Variants in DLG2 observed in about 807,000 individuals in gnomAD.
The protein encoded by DLG2 is disks large homolog 2.
Under a neutral mutation model 132.5 loss-of-function variants are expected in DLG2, and 45 were observed. That is an observed-to-expected ratio of 0.34 (90% CI 0.27 to 0.44). DLG2 has a LOEUF of 0.44. DLG2 is among the 20% of genes least tolerant of loss of function. The probability of loss-of-function intolerance (pLI) is 1.00; values close to 1 mark genes in which losing one functional copy is unlikely to be tolerated. For missense variants in DLG2, 1,045 were observed against 1,196.9 expected (o/e 0.87, Z 1.87); for synonymous variants, 424 against 419.6 (o/e 1.01, Z -0.13).
At chr11:84,888,416 G>T (rs1192628722) in intron 6 of DLG2, among the ~76,000 whole-genome samples, 1 of 151,938 alleles carries the variant, frequency 6.6e-6, no homozygotes, top group Admixed American at 6.6e-5. Context: ...TTGGTCCTTT[G>T]GACTCTAGGA....
chr11:84,232,805 C>A (rs2097110473), intron 8 of DLG2, among the ~76,000 whole-genome samples: 1 of 152,130 alleles, frequency 6.6e-6, no homozygotes, highest in Non-Finnish European at 1.5e-5. Flanking sequence ...CTATACTAGT[C>A]TGAACTAAAA....
At chr11:84,123,540 G>T (rs931145966) in intron 9 of DLG2, among the ~76,000 whole-genome samples, 1 of 152,140 alleles carries the variant, frequency 6.6e-6, no homozygotes, top group Non-Finnish European at 1.5e-5. Context: ...ACTGAGTTTT[G>T]TATCTAAGCT....
At chr11:85,306,581 T>A (rs971969852) in intron 3 of DLG2, among the ~76,000 whole-genome samples, 4 of 151,964 alleles carry the variant, frequency 2.6e-5, no homozygotes, top group Non-Finnish European at 5.9e-5. Context: ...TAGTTGAACC[T>A]TTTTTTTGAG....
chr11:83,767,967 T>G (rs1254681332), intron 18 of DLG2, among the ~76,000 whole-genome samples: 1 of 152,204 alleles, frequency 6.6e-6, no homozygotes, highest in Non-Finnish European at 1.5e-5. Context: ...TTCTGCTCTG[T>G]CCTCAAACAT....
intron 6 of DLG2, among the ~76,000 whole-genome samples, chr11:85,066,773 G>GA (rs1219941591): frequency 6.6e-6 from 1 of 151,456 alleles, no homozygotes; most frequent in Non-Finnish European, 1.5e-5. Flanking sequence ...AACAAACTTA[G>GA]CATCAAAAAA....
intron 6 of DLG2, among the ~76,000 whole-genome samples, chr11:84,983,953 A>G (rs1385176465): frequency 1.3e-5 from 2 of 152,174 alleles, no homozygotes; most frequent in Non-Finnish European, 2.9e-5. Flanking sequence ...AGACAAAGAA[A>G]AAAGAAAATT....
intron 6 of DLG2, among the ~76,000 whole-genome samples, chr11:84,832,312 G>A (rs1220245344): frequency 9.2e-5 from 14 of 151,602 alleles, no homozygotes. Context: ...ACTGATTTAG[G>A]TTCAGAAGCA....
At chr11:84,550,269 C>A (rs1038927362) in intron 6 of DLG2, among the ~76,000 whole-genome samples, 2 of 152,096 alleles carry the variant, frequency 1.3e-5, no homozygotes, top group Non-Finnish European at 2.9e-5. Flanking sequence ...ACAGCACAAA[C>A]TTTCTGAAGG....
intron 6 of DLG2, among the ~76,000 whole-genome samples, chr11:84,728,905 T>G (rs1369541799): frequency 6.6e-6 from 1 of 152,184 alleles, no homozygotes; most frequent in Non-Finnish European, 1.5e-5. Context: ...TCTCTGATGG[T>G]AGTTTGTATT....
intron 6 of DLG2, among the ~76,000 whole-genome samples, chr11:84,805,104 A>AG (rs1416693524): frequency 6.6e-6 from 1 of 152,144 alleles, no homozygotes; most frequent in Non-Finnish European, 1.5e-5. Context: ...GTGTCAGTAG[A>AG]GGCCACATGC....
chr11:83,876,420 A>T lies in DLG2; in HGVS notation c.1497-1932T>A, dbSNP rs2064800309. Among the ~76,000 whole-genome samples the T allele has an allele frequency of 2.6e-5, 4 of 152,148 alleles. No homozygotes were observed. In the South Asian group the frequency reaches 8.3e-4, roughly 31 times the overall value. ...GTATAACTTTAGTGATAAATATCAA[A>T]TTAAAATATATTTTCTATTACAAAA... On this transcript the variant is annotated intron_variant, in intron 15 of 27. Coordinates refer to ENST00000376104, the MANE Select transcript of DLG2 (RefSeq NM_001142699.3).
At chr11:83,689,594 A>G (rs1004475523) in intron 18 of DLG2, among the ~76,000 whole-genome samples, 1 of 152,074 alleles carries the variant, frequency 6.6e-6, no homozygotes, top group African/African-American at 2.4e-5. Flanking sequence ...TCTAGTTCAT[A>G]TAGCTGTTGT....
intron 4 of DLG2, among the ~76,000 whole-genome samples, chr11:85,255,255 T>G (rs565628919): frequency 1.3e-5 from 2 of 152,278 alleles, no homozygotes; most frequent in Admixed American, 1.3e-4. Flanking sequence ...ACACTACTAA[T>G]AAGCAACTTA....
chr11:84,208,980 T>A (rs1345690323), intron 8 of DLG2, among the ~76,000 whole-genome samples: 1 of 152,196 alleles, frequency 6.6e-6, no homozygotes, highest in Admixed American at 6.5e-5. Flanking sequence ...TATAGACTCA[T>A]ATATGCACCC....
At position 84,128,810 on chromosome 11, in the gene DLG2, A is replaced by G. The variant is rs2094294725; in HGVS notation, c.625-29763T>C. On this transcript the variant is annotated intron_variant, in intron 9 of 27. Coordinates refer to ENST00000376104, the MANE Select transcript of DLG2 (RefSeq NM_001142699.3). ...AAAAATCACAAGGGGGAAAAAAAAC[A>G]CAAGCAGTAGCCATTTAAGTTGAAA... Among the ~76,000 whole-genome samples, 3 of 152,140 alleles carry G rather than the reference A, an allele frequency of 2.0e-5. No homozygotes were observed. In the South Asian group the frequency reaches 6.2e-4, roughly 31 times the overall value.
intron 17 of DLG2, among the ~76,000 whole-genome samples, chr11:83,829,313 C>T (rs529292406): frequency 4.0e-5 from 6 of 151,494 alleles, no homozygotes; most frequent in African/African-American, 1.5e-4. Flanking sequence ...TCTCCTGACT[C>T]AGCCTCCCAA....
intron 7 of DLG2, among the ~76,000 whole-genome samples, chr11:84,388,868 G>C (rs1281444904): frequency 6.6e-6 from 1 of 151,994 alleles, no homozygotes; most frequent in Non-Finnish European, 1.5e-5. Flanking sequence ...GTATTCCTTT[G>C]TTCACTGACT....
chr11:84,338,299 A>C (rs1171622146), intron 7 of DLG2, among the ~76,000 whole-genome samples: 1 of 152,110 alleles, frequency 6.6e-6, no homozygotes, highest in African/African-American at 2.4e-5. Context: ...TTCCTTGATG[A>C]ACTCTATTCT....
intron 6 of DLG2, among the ~76,000 whole-genome samples, chr11:84,623,969 T>C (rs2099618054): frequency 6.6e-6 from 1 of 152,228 alleles, no homozygotes; most frequent in Non-Finnish European, 1.5e-5. Flanking sequence ...TTTTTGTATC[T>C]TCAATGCCTT....
Sources: gnomAD v4.1 joint callset for allele counts (sites outside exome capture counted in the v4.1 genomes callset) on GRCh38, gnomAD v4.1.1 for gene constraint, MANE v1.5 for transcripts, NCBI Gene and HGNC (gene_info 2026-07-23, HGNC 2026-07-21) for gene names.